Variants in GRM8 observed in about 807,000 individuals in gnomAD.
GRM8 encodes the protein glutamate metabotropic receptor 8, also known as metabotropic glutamate receptor 8.
In GRM8, 47 loss-of-function variants were observed where a neutral mutation model predicts 87.2. The ratio of observed to expected loss-of-function variants is 0.54; its 90% CI spans 0.43 to 0.69. GRM8 has a LOEUF of 0.69. Among genes scored for constraint, GRM8 ranks in the 30% least tolerant of loss-of-function variants. GRM8 has a pLI of 0.00. For synonymous variants in GRM8, 396 were observed against 404.5 expected (o/e 0.98, Z 0.25); for missense variants, 1,019 against 1,139.2 (o/e 0.89, Z 1.52).
intron 1 of GRM8, among the ~76,000 whole-genome samples, chr7:127,249,908 T>C (rs535267784): frequency 6.6e-6 from 1 of 152,272 alleles, no homozygotes; most frequent in South Asian, 2.1e-4. Flanking sequence ...TGTGGCCAGG[T>C]CTTGGCTGTG....
rs1811742713 is a variant in GRM8, at chr7:126,716,370, G to A, written c.1357+53495C>T. On this transcript the variant is annotated intron_variant, in intron 7 of 10. Transcript: ENST00000339582. The stretch of plus-strand genomic sequence containing the variant: ...GTTAGCCAGAGAAGTATATTTGACA[G>A]CTAAGTTATTTCTCTACAGAAAAAA... 1.3e-5 allele frequency among the ~76,000 whole-genome samples: 2 copies of A among 151,080 alleles called. 1 individual carries two copies. The highest frequency in any genetic ancestry group is 1.3e-4 in the Admixed American group (2 of 15,202).
intron 2 of GRM8, among the ~76,000 whole-genome samples, chr7:127,218,584 C>A (rs1006839892): frequency 6.6e-6 from 1 of 152,154 alleles, no homozygotes; most frequent in African/African-American, 2.4e-5. Context: ...GAGAAGGGAA[C>A]CTGGTGCATA....
intron 9 of GRM8, among the ~76,000 whole-genome samples, chr7:126,459,811 A>C (rs1486805089): frequency 1.3e-5 from 2 of 151,452 alleles, no homozygotes; most frequent in African/African-American, 4.8e-5. Flanking sequence ...AGGGAACTCT[A>C]TCTGAAAGGG....
chr7:126,661,948 A>G (rs1805227107), intron 7 of GRM8, among the ~76,000 whole-genome samples: 1 of 152,144 alleles, frequency 6.6e-6, no homozygotes, highest in Non-Finnish European at 1.5e-5. Context: ...TGATTCTATA[A>G]CTGTGTGTGC....
intron 3 of GRM8, among the ~76,000 whole-genome samples, chr7:126,976,900 T>TA (rs1387839534): frequency 8.4e-6 from 1 of 119,202 alleles, no homozygotes; most frequent in Non-Finnish European, 1.7e-5. Flanking sequence ...TTATTTTCAT[T>TA]ATTTTTTTTT....
intron 3 of GRM8, among the ~76,000 whole-genome samples, chr7:126,998,000 C>T (rs1813347494): frequency 6.6e-6 from 1 of 151,784 alleles, no homozygotes; most frequent in African/African-American, 2.4e-5. Flanking sequence ...GCCAATATCC[C>T]CGACGAATGT....
chr7:127,173,116 G>A (rs949665478), intron 2 of GRM8, among the ~76,000 whole-genome samples: 8 of 152,146 alleles, frequency 5.3e-5, no homozygotes, highest in Admixed American at 5.2e-4. Flanking sequence ...ATTATTTCAT[G>A]CCGTCTGGAA....
At chr7:126,948,083 C>A (rs915389693) in intron 3 of GRM8, among the ~76,000 whole-genome samples, 1 of 152,116 alleles carries the variant, frequency 6.6e-6, no homozygotes, top group Non-Finnish European at 1.5e-5. Context: ...CTATGCTAGG[C>A]GCTAGGGATG....
At chr7:126,946,324 A>AG (rs1244977541) in intron 3 of GRM8, among the ~76,000 whole-genome samples, 1 of 152,030 alleles carries the variant, frequency 6.6e-6, no homozygotes, top group African/African-American at 2.4e-5. Flanking sequence ...CAACATAGTG[A>AG]GACCCCCCCA....
intron 8 of GRM8, among the ~76,000 whole-genome samples, chr7:126,550,787 TAAG>T (rs1792502739): frequency 1.3e-5 from 2 of 151,784 alleles, no homozygotes; most frequent in African/African-American, 4.8e-5. Flanking sequence ...CATAATACTA[TAAG>T]AAGTAGAGGG....
chr7:127,034,039 T>C (rs1349822171), intron 3 of GRM8, among the ~76,000 whole-genome samples: 1 of 152,208 alleles, frequency 6.6e-6, no homozygotes, highest in Non-Finnish European at 1.5e-5. Flanking sequence ...CTCCATCCAC[T>C]GTTTCTTTAT....
In GRM8 at chr7:126,533,897, T is replaced by C. The variant is rs745626248; in HGVS notation, c.1495-10A>G. The stretch of plus-strand genomic sequence containing the variant: ...ACTGCATGTCTTCCACCTGTGGGTA[T>C]AAAAAATTAATGAGCCTTCCATTTT... On this transcript the variant is annotated splice_polypyrimidine_tract_variant and intron_variant, in intron 8 of 10. Coordinates refer to ENST00000339582, the MANE Select transcript of GRM8 (RefSeq NM_000845.3). 1.4e-5 allele frequency: 22 copies of C among 1,588,174 alleles called. No homozygotes were observed. The African/African-American group carries it at 2.8e-4, about 21-fold the overall frequency.
rs113347705 is a variant in GRM8, at chr7:126,557,519, T to C, written c.1495-23632A>G. Among the ~76,000 whole-genome samples, 1,266 of 152,130 alleles carry C rather than the reference T, an allele frequency of 8.3e-3. 8 individuals are homozygous for C. Among genetic ancestry groups the C allele is most frequent in the Non-Finnish European group, 0.012 (839 of 68,006 alleles). On this transcript the variant is annotated intron_variant, in intron 8 of 10. Coordinates refer to ENST00000339582, the MANE Select transcript of GRM8 (RefSeq NM_000845.3). ...TCAGTTTTAGTAAAACAACCACAAG[T>C]GGCGATCGTAAGAAATTTCTGGAAA...
intron 3 of GRM8, among the ~76,000 whole-genome samples, chr7:126,979,658 C>T (rs760517804): frequency 2.6e-5 from 4 of 152,164 alleles, no homozygotes; most frequent in Non-Finnish European, 5.9e-5. Context: ...TCACAAAGAC[C>T]TTCAGAGTAA....
chr7:126,686,176 C>T (rs1051616342), intron 7 of GRM8, among the ~76,000 whole-genome samples: 1 of 151,772 alleles, frequency 6.6e-6, no homozygotes, highest in Non-Finnish European at 1.5e-5. Flanking sequence ...CACTGGGATG[C>T]CCTGGCTACA....
At chr7:126,698,299 A>C (rs895236859) in intron 7 of GRM8, among the ~76,000 whole-genome samples, 1 of 152,100 alleles carries the variant, frequency 6.6e-6, no homozygotes, top group African/African-American at 2.4e-5. Flanking sequence ...TTTTATTGAG[A>C]GGGTTGTGGA....
intron 6 of GRM8, among the ~76,000 whole-genome samples, chr7:126,887,079 T>G (rs1800566926): frequency 6.6e-6 from 1 of 152,082 alleles, no homozygotes; most frequent in Non-Finnish European, 1.5e-5. Context: ...AAAGGAAGTT[T>G]TCATTCTGGA....
chr7:126,768,771 C>T (rs1297914679), intron 7 of GRM8, among the ~76,000 whole-genome samples: 1 of 151,954 alleles, frequency 6.6e-6, no homozygotes, highest in Non-Finnish European at 1.5e-5. Context: ...TGATCAATTT[C>T]ATAATTGCAT....
chr7:126,940,623 C>A (rs952480661), intron 3 of GRM8, among the ~76,000 whole-genome samples: 2 of 152,210 alleles, frequency 1.3e-5, no homozygotes, highest in Admixed American at 6.5e-5. Context: ...CTCCATCACT[C>A]AAAACAAAAT....
Sources: gnomAD v4.1 joint callset for allele counts (sites outside exome capture counted in the v4.1 genomes callset) on GRCh38, gnomAD v4.1.1 for gene constraint, MANE v1.5 for transcripts, NCBI Gene and HGNC (gene_info 2026-07-23, HGNC 2026-07-21) for gene names.